VWF: variants seen among roughly 807,000 people sequenced by gnomAD.
The protein encoded by VWF is von Willebrand factor.
Under a neutral mutation model 308.6 loss-of-function variants are expected in VWF, and 176 were observed. That is an observed-to-expected ratio of 0.57 (90% CI 0.50 to 0.65). The LOEUF is 0.65. VWF is among the 30% of genes least tolerant of loss of function. The probability of loss-of-function intolerance (pLI) is 0.00; values close to 1 mark genes in which losing one functional copy is unlikely to be tolerated. For synonymous variants in VWF, 1,385 were observed against 1,443.4 expected (o/e 0.96, Z 0.92); for missense variants, 3,146 against 3,648.2 (o/e 0.86, Z 3.55).
chr12:5,963,688 G>A (rs536241800), intron 47 of VWF, among the ~76,000 whole-genome samples: 5 of 152,186 alleles, frequency 3.3e-5, no homozygotes, highest in East Asian at 1.9e-4. Flanking sequence ...GTTTTGTTTC[G>A]TTTTTGAGAC....
Position 6,121,204 on chromosome 12 carries a change from C to T in VWF, c.190G>A (p.Gly64Ser). Residue 64 changes from glycine (G) to serine (S), a missense_variant, in exon 3 of 52, where the codon GGC becomes AGC. Gly to Ser is a moderately conservative substitution (Grantham distance 56). Coordinates refer to ENST00000261405, the MANE Select transcript of VWF (RefSeq NM_000552.5). Reference sequence around the variant, plus strand: ...ATCGAGAAGGAGCGTTTCTGGCAGCCCCCTGCCAGGAGGTAACTGCAGTAT... The same window carrying T: ...ATCGAGAAGGAGCGTTTCTGGCAGCTCCCTGCCAGGAGGTAACTGCAGTAT... ...AGYCSYLLAG[G>S]CQKRSFSIIG... 3 of 1,614,180 alleles carry T rather than the reference C, an allele frequency of 1.9e-6. No individual in the cohort carries two copies. Among genetic ancestry groups the T allele is most frequent in the Non-Finnish European group, 2.5e-6 (3 of 1,180,036 alleles).
chr12:5,958,743 A>G (rs1943278553), intron 47 of VWF, among the ~76,000 whole-genome samples: 1 of 152,182 alleles, frequency 6.6e-6, no homozygotes, highest in Non-Finnish European at 1.5e-5. Flanking sequence ...GAAGCAGGGA[A>G]AGGATTTTTA....
At chr12:5,973,093 G>A (rs566377543) in intron 43 of VWF, among the ~76,000 whole-genome samples, 45 of 152,220 alleles carry the variant, frequency 3.0e-4, no homozygotes, top group African/African-American at 1.0e-3. Flanking sequence ...CTCAAACCCA[G>A]ACACTTTTAG....
chr12:6,043,959 GAA>G (rs765490895), intron 18 of VWF, among the ~76,000 whole-genome samples: 16 of 152,174 alleles, frequency 1.1e-4, no homozygotes, highest in Non-Finnish European at 2.2e-4. Flanking sequence ...CGGCCCCTGG[GAA>G]AATTCTAGTG....
chr12:6,075,316 G>T lies in VWF; in HGVS notation c.874+19C>A. The T allele has an allele frequency of 2.5e-6, 4 of 1,613,654 alleles. No homozygotes were observed. Among genetic ancestry groups the T allele is most frequent in the Non-Finnish European group, 3.4e-6 (4 of 1,179,888 alleles). On this transcript the variant is annotated intron_variant, in intron 7 of 51. Transcript: ENST00000261405. This position sits in a 1 kb window ranked among gnomAD's most constrained non-coding sequence, Gnocchi z 4.7. ...CGTTCATCCCCGGCAGGGCAGGACG[G>T]GGCAGGGGGCCGACTTACTGCACGC...
intron 11 of VWF, 50 bp from the exon 12 acceptor site, chr12:6,064,434 G>A: frequency 1.2e-6 from 2 of 1,610,046 alleles, no homozygotes; most frequent in Non-Finnish European, 1.7e-6. Flanking sequence ...TGCCTATCCA[G>A]CTCCCCAGCC....
At chr12:5,983,991 GATAGATA>G (rs1943645565) in intron 40 of VWF, among the ~76,000 whole-genome samples, 1 of 132,262 alleles carries the variant, frequency 7.6e-6, no homozygotes, top group African/African-American at 3.2e-5. Context: ...TAGATAGATA[GATAGATA>G]GATAGATAGA....
rs576256776 is a variant in VWF at position 6,062,691 on chromosome 12, C to T, written c.1533+263G>A. Among the ~76,000 whole-genome samples the T allele has an allele frequency of 2.6e-5, 4 of 152,302 alleles. No homozygotes were observed. In the East Asian group the frequency reaches 5.8e-4, roughly 22 times the overall value. On this transcript the variant is annotated intron_variant, in intron 13 of 51. Coordinates refer to ENST00000261405, the MANE Select transcript of VWF (RefSeq NM_000552.5). ...ATTGGACAGCAAACCTGCTCCTTCCCCAGCCCCACAAGAGCCCACCCCAGT... is the reference window on the plus strand; with the variant it reads ...ATTGGACAGCAAACCTGCTCCTTCCTCAGCCCCACAAGAGCCCACCCCAGT...
chr12:6,095,084 C>G (rs1945091715), intron 6 of VWF, among the ~76,000 whole-genome samples: 1 of 151,994 alleles, frequency 6.6e-6, no homozygotes, highest in Non-Finnish European at 1.5e-5. Flanking sequence ...AGGAATGAGC[C>G]ACAGGACCCG....
rs776792833 is a variant in VWF, at chr12:6,016,780, T to C, written c.5144A>G (p.Lys1715Arg). The C allele has an allele frequency of 6.2e-7, 1 of 1,614,154 alleles. No homozygotes were observed. The highest frequency in any genetic ancestry group is 8.5e-7 in the Non-Finnish European group (1 of 1,180,050). Residue 1715 changes from lysine to arginine, a missense_variant, in exon 29 of 52, where the codon AAG becomes AGG. Physicochemically the swap from Lys to Arg is conservative, Grantham distance 26 (BLOSUM62 2). Around this residue, in one of 3 missense-constraint regions of VWF, gnomAD observed 853 missense variants for 1,177.8 expected, o/e 0.72. Transcript: ENST00000261405. ...TATATTGGCTTTTGAAATGAAAGCC[T>C]TGGCGAAACTCTTCATTTCATCAAA... ...SYFDEMKSFAKAFISKANIGP... is the reference protein window; with the variant it reads ...SYFDEMKSFARAFISKANIGP...
At chr12:6,036,349 G>GC in intron 19 of VWF, 39 bp downstream of exon 19, 1 of 1,601,690 alleles carries the variant, frequency 6.2e-7, no homozygotes, top group Middle Eastern at 1.7e-4. Context: ...TCCACCCGCA[G>GC]GGCCTGGGTC....
At chr12:6,003,432 T>C (rs1331125053) in intron 34 of VWF, among the ~76,000 whole-genome samples, 2 of 151,468 alleles carry the variant, frequency 1.3e-5, no homozygotes, top group African/African-American at 2.4e-5. Flanking sequence ...ATGTTAAATG[T>C]AATCCCCATG....
intron 5 of VWF, among the ~76,000 whole-genome samples, chr12:6,108,334 T>TATAC (rs374693235): frequency 6.4e-4 from 80 of 124,190 alleles, no homozygotes; most frequent in East Asian, 1.6e-3. Context: ...AAGAAATATA[T>TATAC]ACACACACAC....
chr12:6,057,460 G>T (rs1359664930), intron 14 of VWF, among the ~76,000 whole-genome samples: 3 of 143,446 alleles, frequency 2.1e-5, no homozygotes, highest in African/African-American at 5.1e-5. Flanking sequence ...TTACAGGCGC[G>T]CCCCACCACG....
chr12:6,026,149 T>G (rs1251983144), intron 22 of VWF, 103 bp from the exon 23 acceptor site: 2 of 1,545,998 alleles, frequency 1.3e-6, no homozygotes, highest in Non-Finnish European at 1.8e-6. Context: ...GCAGAGGGCA[T>G]TCGAGGAAGA....
chr12:6,019,171 A>G lies in VWF; in HGVS notation c.4247T>C (p.Ile1416Thr), dbSNP rs61750081. ...KKKVIVIPVG[I>T]GPHANLKQIR... ...CTGCTTGAGGTTGGCATGGGGCCCA[A>G]TGCCCACCGGGATCACAATGACCTT... The change falls in exon 28 of 52, where the codon ATT becomes ACT. Residue 1416 changes from isoleucine to threonine, a missense_variant. Coordinates refer to ENST00000261405, the MANE Select transcript of VWF (RefSeq NM_000552.5). This position sits in a 1 kb window ranked among gnomAD's most constrained non-coding sequence, Gnocchi z 5.8. 7 of 1,613,870 alleles carry G rather than the reference A, an allele frequency of 4.3e-6. No individual in the cohort carries two copies. The highest frequency in any genetic ancestry group is 5.9e-6 in the Non-Finnish European group (7 of 1,179,858).
Position 6,046,733 on chromosome 12 carries a change from C to G in VWF, c.2271G>C (p.Leu757=). The change falls in exon 17 of 52, where the codon CTG becomes CTC. Residue 757 remains leucine (L), a synonymous_variant. Coordinates refer to ENST00000261405, the MANE Select transcript of VWF (RefSeq NM_000552.5). The surrounding 1 kb of genome is among the most constrained non-coding windows in gnomAD (Gnocchi z 5.0). ...GGGGACAGTACTCACTGCGATGAGACAGGGGACTGCTGAGGACAGCGTCAG... is the reference window on the plus strand; with the variant it reads ...GGGGACAGTACTCACTGCGATGAGAGAGGGGACTGCTGAGGACAGCGTCAG... ...LLPDAVLSSP[L]SHRSKRSLSC... 6.2e-7 allele frequency: 1 copy of G among 1,614,152 alleles called. No individual in the cohort carries two copies. The highest frequency in any genetic ancestry group is 8.5e-7 in the Non-Finnish European group (1 of 1,180,014).
intron 6 of VWF, among the ~76,000 whole-genome samples, chr12:6,090,854 TCACGCCGAGGCCCAGGGTGAGAGA>T (rs1415661560): frequency 6.6e-6 from 1 of 152,162 alleles, no homozygotes; most frequent in East Asian, 1.9e-4. Context: ...AGCACCACGC[TCACGCCGAGGCCCAGGGTGAGAGA>T]CACTCAAGGG....
At chr12:5,968,095 C>CA in intron 46 of VWF, 32 bp downstream of exon 46, 1 of 1,613,952 alleles carries the variant, frequency 6.2e-7, no homozygotes, top group East Asian at 2.2e-5. Flanking sequence ...CTGTCCCCAC[C>CA]ACTTGCTCTG....
Sources: allele counts gnomAD v4.1 joint callset (sites outside exome capture counted in the v4.1 genomes callset), GRCh38; gene constraint gnomAD v4.1.1; regional missense constraint gnomAD v4.1.1; non-coding constraint Gnocchi (gnomAD v3.1); transcripts MANE v1.5; gene names NCBI Gene and HGNC (gene_info 2026-07-23, HGNC 2026-07-21).